The following BEST3 variants were observed in gnomAD, a reference collection of about 807,000 sequenced individuals.
BEST3 encodes the protein bestrophin-3.
In BEST3, 50 loss-of-function variants were observed where a neutral mutation model predicts 47.1. The observed-to-expected ratio is 1.06, with a 90% CI of 0.85 to 1.34. The LOEUF is 1.34. Ranked by LOEUF, BEST3 falls within the 40% of genes most tolerant of loss-of-function variation. The pLI, the probability that BEST3 is intolerant of heterozygous loss-of-function variation, is 0.00. For synonymous variants in BEST3, 282 were observed against 298.8 expected, an observed-to-expected ratio of 0.94 and a Z score of 0.58; for missense variants, 765 against 817.0, an observed-to-expected ratio of 0.94 and a Z score of 0.78.
intron 4 of BEST3, among the ~76,000 whole-genome samples, chr12:69,693,431 T>G (rs942642071): frequency 1.3e-5 from 2 of 151,618 alleles, no homozygotes; most frequent in African/African-American, 4.8e-5. Context: ...GCCCGGCTAA[T>G]TTTTTCTATT....
rs145477004 is a variant in BEST3, at chr12:69,685,146, G to A, written c.482-6253C>T. Among the ~76,000 whole-genome samples, 351 of 152,140 alleles carry A rather than the reference G, an allele frequency of 2.3e-3. 1 individual carries two copies. The highest frequency in any genetic ancestry group is 5.8e-3 in the African/African-American group (239 of 41,510). ...GCTGGAAAAGCCTGAAATAGGCTAC[G>A]GTGGAGTAAAATCAGTTTCTGGGAG... On this transcript the variant is annotated intron_variant, in intron 4 of 9. Coordinates refer to ENST00000330891, the MANE Select transcript of BEST3 (RefSeq NM_032735.3).
At position 69,671,544 on chromosome 12, in the gene BEST3, G is replaced by C; in HGVS notation, c.984C>G (p.Ser328Arg). 6.2e-7 allele frequency: 1 copy of C among 1,613,790 alleles called. No individual in the cohort carries two copies. Among genetic ancestry groups the C allele is most frequent in the South Asian group, 1.1e-5 (1 of 91,080 alleles). The change falls in exon 9 of 10, where the codon AGC becomes AGG. Residue 328 changes from serine to arginine, a missense_variant. Ser to Arg is a moderately radical substitution (Grantham distance 110). Coordinates refer to ENST00000330891, the MANE Select transcript of BEST3 (RefSeq NM_032735.3). Reference protein sequence around the residue: ...SLLAVDEMHMSLPKMKKDIYW... With the variant: ...SLLAVDEMHMRLPKMKKDIYW... ...AAATGTCCTTCTTCATCTTGGGTAAGCTCATGTGCATTTCGTCCACAGCTA... is the reference window on the plus strand; with the variant it reads ...AAATGTCCTTCTTCATCTTGGGTAACCTCATGTGCATTTCGTCCACAGCTA...
chr12:69,678,329 G>A (rs567655141), intron 5 of BEST3, among the ~76,000 whole-genome samples: 33 of 152,010 alleles, frequency 2.2e-4, no homozygotes, highest in African/African-American at 7.2e-4. Flanking sequence ...TTAACCTCGC[G>A]ATATTCCAGT....
Position 69,676,837 on chromosome 12 carries a change from T to C in BEST3, c.867+79A>G, listed in dbSNP as rs1427502898. The C allele has an allele frequency of 2.8e-6, 4 of 1,444,856 alleles. No individual in the cohort carries two copies. The African/African-American group carries it at 4.3e-5, about 15-fold the overall frequency. The allele number at this position is 1,444,856 out of a possible 1,614,324, so 89.5% of individuals were successfully genotyped here. On this transcript the variant is annotated intron_variant, in intron 7 of 9. Coordinates refer to ENST00000330891, the MANE Select transcript of BEST3 (RefSeq NM_032735.3). ...TTTGACTCACTCATGAATGATTTGC[T>C]AAAGACTCAGTAAAGGATTAGTGTG...
Position 69,677,080 on chromosome 12 carries a change from AGAGACCAGAGT to A in BEST3, c.715-23_715-13del. ...GCAAGAGTGACAACCTGGAACAGAGAGAGACCAGAGTGAGGGGACAGTGCTGGCCTCCCGCA... is the reference window on the plus strand; with the variant it reads ...GCAAGAGTGACAACCTGGAACAGAGAGAGGGGACAGTGCTGGCCTCCCGCA... On this transcript the variant is annotated splice_polypyrimidine_tract_variant and intron_variant, in intron 6 of 9. Coordinates refer to ENST00000330891, the MANE Select transcript of BEST3 (RefSeq NM_032735.3). 1 of 1,614,208 alleles carries A rather than the reference AGAGACCAGAGT, an allele frequency of 6.2e-7. No homozygotes were observed. Among genetic ancestry groups the A allele is most frequent in the Non-Finnish European group, 8.5e-7 (1 of 1,180,014 alleles).
At chr12:69,688,189 G>A (rs1232173845) in intron 4 of BEST3, among the ~76,000 whole-genome samples, 3 of 152,128 alleles carry the variant, frequency 2.0e-5, no homozygotes, top group Non-Finnish European at 2.9e-5. Flanking sequence ...ACACAACTAA[G>A]GTCATCACTT....
rs74102941 is a variant in BEST3, at chr12:69,656,539, T to C, written c.1101-726A>G. Among the ~76,000 whole-genome samples the C allele has an allele frequency of 7.1e-3, 1,082 of 152,232 alleles. 15 individuals carry two copies. Among genetic ancestry groups the C allele is most frequent in the African/African-American group, 0.025 (1,018 of 41,538 alleles). On this transcript the variant is annotated intron_variant, in intron 9 of 9. Transcript: ENST00000330891. ...ATGCCCAGCTCACATTTATTGACTA[T>C]ATACTAAGGCCCAGCTAAGCACCTC...
chr12:69,688,738 A>G (rs527913103), intron 4 of BEST3, among the ~76,000 whole-genome samples: 8 of 152,256 alleles, frequency 5.3e-5, no homozygotes, highest in Admixed American at 2.6e-4. Flanking sequence ...TGCAGAAGAA[A>G]GAGAAGCTGG....
chr12:69,657,257 A>G (rs1199321697), intron 9 of BEST3, among the ~76,000 whole-genome samples: 1 of 151,804 alleles, frequency 6.6e-6, no homozygotes, highest in African/African-American at 2.4e-5. Flanking sequence ...TACCACACCC[A>G]GCTAATTTTT....
At chr12:69,692,377 T>C (rs1378532107) in intron 4 of BEST3, among the ~76,000 whole-genome samples, 1 of 152,240 alleles carries the variant, frequency 6.6e-6, no homozygotes, top group Non-Finnish European at 1.5e-5. Flanking sequence ...CTCGCCCTAC[T>C]GAAGGCTGAC....
intron 4 of BEST3, among the ~76,000 whole-genome samples, chr12:69,680,314 T>TCTTC (rs1218073430): frequency 1.8e-4 from 23 of 130,114 alleles, no homozygotes; most frequent in African/African-American, 6.0e-4. Flanking sequence ...CTTGATCTTT[T>TCTTC]TTTTTTTTTT....
intron 7 of BEST3, among the ~76,000 whole-genome samples, chr12:69,676,226 T>C (rs1258352481): frequency 6.6e-6 from 1 of 152,160 alleles, no homozygotes; most frequent in Non-Finnish European, 1.5e-5. Context: ...CTGATTCTGA[T>C]GAATTCTGAG....
intron 9 of BEST3, among the ~76,000 whole-genome samples, 195 bp from the exon 10 acceptor site, chr12:69,656,008 T>C (rs1436022523): frequency 1.3e-5 from 2 of 152,206 alleles, no homozygotes; most frequent in African/African-American, 4.8e-5. Context: ...TCTTAAAAAT[T>C]ATTGCGTATC....
At chr12:69,689,282 G>A in intron 4 of BEST3, 1 of 985,718 alleles carries the variant, frequency 1.0e-6, no homozygotes, top group Non-Finnish European at 1.2e-6. Context: ...CTCTGCTGGG[G>A]AAAGCAGCAG....
chr12:69,697,548 A>G, intron 2 of BEST3, 99 bp downstream of exon 2: 2 of 986,814 alleles, frequency 2.0e-6, no homozygotes, highest in South Asian at 4.0e-5. Context: ...AAGGAGTTCC[A>G]TAATGCGAAG....
chr12:69,664,080 A>C (rs79773777), intron 9 of BEST3, among the ~76,000 whole-genome samples: 6,287 of 152,264 alleles, frequency 0.041, 192 homozygotes, highest in African/African-American at 0.083. Flanking sequence ...TTATGAAAGC[A>C]TTTCTATTTT....
Position 69,694,392 on chromosome 12 carries a change from T to G in BEST3, c.225A>C (p.Gln75His). ...LSIYCDRYAE[Q>H]IPVTFVLGFY... ...TACCAAGCACAAAGGTTACTGGAATTTGTTCAGCATATCTGTCACAGTAAA... is the reference window on the plus strand; with the variant it reads ...TACCAAGCACAAAGGTTACTGGAATGTGTTCAGCATATCTGTCACAGTAAA... Residue 75 changes from glutamine to histidine, a missense_variant, in exon 3 of 10, where the codon CAA becomes CAC. Gln to His is a conservative substitution (Grantham distance 24). Coordinates refer to ENST00000330891, the MANE Select transcript of BEST3 (RefSeq NM_032735.3). 1 of 1,607,552 alleles carries G rather than the reference T, an allele frequency of 6.2e-7. No individual in the cohort carries two copies. Among genetic ancestry groups the G allele is most frequent in the Non-Finnish European group, 8.5e-7 (1 of 1,176,848 alleles).
chr12:69,651,164 G>A (rs867833281), downstream of BEST3, among the ~76,000 whole-genome samples: 15 of 152,148 alleles, frequency 9.9e-5, no homozygotes, highest in Non-Finnish European at 2.2e-4. Flanking sequence ...GACTAAATGA[G>A]GAAGAGAGGA....
chr12:69,679,914 C>CGTGTATGCATGCGTGT (rs1555206984), intron 4 of BEST3, among the ~76,000 whole-genome samples: 1 of 150,140 alleles, frequency 6.7e-6, no homozygotes, highest in Non-Finnish European at 1.5e-5. Flanking sequence ...TGTATGCATG[C>CGTGTATGCATGCGTGT]GTGTGTGTGT....
Sources: allele counts gnomAD v4.1 joint callset (sites outside exome capture counted in the v4.1 genomes callset), GRCh38; gene constraint gnomAD v4.1.1; transcripts MANE v1.5; gene names NCBI Gene and HGNC (gene_info 2026-07-23, HGNC 2026-07-21).